MEIS2: variants seen among roughly 807,000 people sequenced by gnomAD.
MEIS2 encodes Meis homeobox 2.
In MEIS2, 9 loss-of-function variants were observed where a neutral mutation model predicts 58.6. That is an observed-to-expected ratio of 0.15 (90% CI 0.09 to 0.27). MEIS2 has a LOEUF of 0.27. Ranked by LOEUF, MEIS2 falls within the 10% of genes least tolerant of loss-of-function variation. MEIS2 has a pLI of 1.00. For synonymous variants in MEIS2, 221 were observed against 228.4 expected (o/e 0.97, Z 0.29); for missense variants, 427 against 635.0 (o/e 0.67, Z 3.52).
intron 8 of MEIS2, among the ~76,000 whole-genome samples, chr15:37,035,866 G>T (rs961191860): frequency 6.6e-6 from 1 of 152,122 alleles, no homozygotes; most frequent in Non-Finnish European, 1.5e-5. Context: ...CATTCAGCAT[G>T]GCAACACACA....
intron 9 of MEIS2, among the ~76,000 whole-genome samples, chr15:36,916,450 GAGAC>G (rs2057285335): frequency 7.1e-6 from 1 of 140,898 alleles, no homozygotes. Flanking sequence ...AAAAAAAAAA[GAGAC>G]AGGGTCTCAC....
Position 36,895,613 on chromosome 15 carries a change from A to G in MEIS2, c.1037-352T>C, listed in dbSNP as rs2290187. ...TTGGTTGGGATTCTCTGAGGCTGCCATCTCTGGTGGCTTAATACAAAATGT... is the reference window on the plus strand; with the variant it reads ...TTGGTTGGGATTCTCTGAGGCTGCCGTCTCTGGTGGCTTAATACAAAATGT... On this transcript the variant is annotated intron_variant, in intron 10 of 11. Coordinates refer to ENST00000561208, the MANE Select transcript of MEIS2 (RefSeq NM_170675.5). 2.0e-5 allele frequency among the ~76,000 whole-genome samples: 3 copies of G among 152,222 alleles called. 1 individual carries two copies. Among genetic ancestry groups the G allele is most frequent in the South Asian group, 4.1e-4 (2 of 4,834 alleles).
intron 9 of MEIS2, among the ~76,000 whole-genome samples, chr15:36,938,451 G>A (rs775296324): frequency 2.1e-4 from 32 of 152,202 alleles, no homozygotes; most frequent in Non-Finnish European, 3.7e-4. Flanking sequence ...AGGGGCCAGA[G>A]CCCAGAGTTG....
intron 9 of MEIS2, among the ~76,000 whole-genome samples, chr15:36,901,423 G>A (rs142770104): frequency 6.6e-6 from 1 of 152,156 alleles, no homozygotes; most frequent in African/African-American, 2.4e-5. Context: ...CAAGCTTAAT[G>A]CCTTTGAAGA....
intron 1 of MEIS2, chr15:37,098,475 T>C (rs1894666939): frequency 2.0e-6 from 2 of 976,178 alleles, no homozygotes; most frequent in African/African-American, 1.8e-5. Context: ...CGAGCACAAG[T>C]TGAGCACACA....
chr15:36,914,092 C>A (rs913819014), intron 9 of MEIS2, among the ~76,000 whole-genome samples: 1 of 152,062 alleles, frequency 6.6e-6, no homozygotes, highest in Non-Finnish European at 1.5e-5. Context: ...CAGCTGTGGC[C>A]CCAATTCTAC....
chr15:37,059,212 C>G (rs561261137), intron 7 of MEIS2, among the ~76,000 whole-genome samples: 5 of 151,978 alleles, frequency 3.3e-5, no homozygotes, highest in Admixed American at 6.5e-5. Flanking sequence ...TTCCTGCTGC[C>G]CAGATGAATA....
chr15:36,970,614 C>T (rs1329218797), intron 8 of MEIS2, among the ~76,000 whole-genome samples: 1 of 152,188 alleles, frequency 6.6e-6, no homozygotes, highest in African/African-American at 2.4e-5. Context: ...CAACATAGCA[C>T]AAGGAAAGTG....
intron 7 of MEIS2, among the ~76,000 whole-genome samples, chr15:37,072,453 T>C (rs1890832435): frequency 6.6e-6 from 1 of 152,102 alleles, no homozygotes; most frequent in Non-Finnish European, 1.5e-5. Context: ...CTTAGTGTGG[T>C]AAAAAAGGAT....
chr15:37,025,176 A>G (rs768016131), intron 8 of MEIS2, among the ~76,000 whole-genome samples: 4 of 152,226 alleles, frequency 2.6e-5, no homozygotes, highest in Non-Finnish European at 5.9e-5. Flanking sequence ...GAGCTATGAC[A>G]GAGCAAACTA....
intron 7 of MEIS2, among the ~76,000 whole-genome samples, chr15:37,056,822 G>C (rs563260094): frequency 6.6e-6 from 1 of 152,214 alleles, no homozygotes; most frequent in Non-Finnish European, 1.5e-5. Flanking sequence ...GGGCACAATG[G>C]AGCAGGGTCC....
chr15:37,072,074 T>A (rs941030382), intron 7 of MEIS2, among the ~76,000 whole-genome samples: 1 of 152,060 alleles, frequency 6.6e-6, no homozygotes, highest in African/African-American at 2.4e-5. Flanking sequence ...CCCCTCCAAC[T>A]CTACTGCCAA....
At chr15:37,080,683 T>C (rs1892091652) in intron 7 of MEIS2, among the ~76,000 whole-genome samples, 1 of 152,110 alleles carries the variant, frequency 6.6e-6, no homozygotes, top group South Asian at 2.1e-4. Flanking sequence ...TGCACCCTAA[T>C]TCCATCCTTG....
chr15:37,075,344 AACCTACCTAC>A (rs751190324), intron 7 of MEIS2, among the ~76,000 whole-genome samples: 147 of 152,078 alleles, frequency 9.7e-4, no homozygotes, highest in Non-Finnish European at 9.9e-4. Flanking sequence ...AAAATTTAAG[AACCTACCTAC>A]AACGAAATAA....
At chr15:37,067,189 A>C (rs1172849960) in intron 7 of MEIS2, among the ~76,000 whole-genome samples, 4 of 150,942 alleles carry the variant, frequency 2.7e-5, no homozygotes, top group African/African-American at 9.8e-5. Flanking sequence ...TCCTGGGCTC[A>C]AGCGATCCTT....
intron 9 of MEIS2, among the ~76,000 whole-genome samples, chr15:36,905,632 T>TA (rs994056117): frequency 9.2e-5 from 14 of 152,086 alleles, no homozygotes; most frequent in African/African-American, 3.4e-4. Flanking sequence ...GTTTTAATCC[T>TA]AAAAAAAATT....
intron 7 of MEIS2, among the ~76,000 whole-genome samples, chr15:37,075,928 C>A (rs887000020): frequency 6.6e-6 from 1 of 151,856 alleles, no homozygotes; most frequent in Non-Finnish European, 1.5e-5. Flanking sequence ...TGTGTTCCAG[C>A]AAGCTGAGGA....
intron 9 of MEIS2, among the ~76,000 whole-genome samples, chr15:36,930,924 C>A (rs16964353): frequency 6.6e-6 from 1 of 152,060 alleles, no homozygotes; most frequent in Non-Finnish European, 1.5e-5. Flanking sequence ...AAATAAACCA[C>A]GTAGTTCGAA....
intron 8 of MEIS2, among the ~76,000 whole-genome samples, chr15:37,002,174 CT>C (rs1237893528): frequency 2.6e-5 from 4 of 152,164 alleles, no homozygotes; most frequent in Non-Finnish European, 5.9e-5. Context: ...CTCAGGCAGC[CT>C]TATCTCAGCC....
Sources: gnomAD v4.1 joint callset for allele counts (sites outside exome capture counted in the v4.1 genomes callset) on GRCh38, gnomAD v4.1.1 for gene constraint, MANE v1.5 for transcripts, NCBI Gene and HGNC (gene_info 2026-07-23, HGNC 2026-07-21) for gene names.